Variants in GPC6 observed in about 807,000 individuals in gnomAD.
The protein encoded by GPC6 is glypican-6.
Under a neutral mutation model 55.2 loss-of-function variants are expected in GPC6, and 14 were observed. That is an observed-to-expected ratio of 0.25 (90% CI 0.17 to 0.40). The LOEUF (loss-of-function observed/expected upper bound fraction) is 0.40. Among genes scored for constraint, GPC6 ranks in the 10% least tolerant of loss-of-function variants. The probability of loss-of-function intolerance (pLI) is 1.00; values close to 1 mark genes in which losing one functional copy is unlikely to be tolerated. For synonymous variants in GPC6, 278 were observed against 259.6 expected (o/e 1.07, Z -0.68); for missense variants, 641 against 708.5 (o/e 0.90, Z 1.08).
chr13:94,364,733 G>A (rs73553807), intron 6 of GPC6, among the ~76,000 whole-genome samples: 2 of 152,020 alleles, frequency 1.3e-5, no homozygotes, highest in African/African-American at 2.4e-5. Flanking sequence ...TTGTAGATAC[G>A]AATCAAGTGT....
intron 4 of GPC6, among the ~76,000 whole-genome samples, chr13:94,153,660 AAG>A (rs1331357458): frequency 6.6e-6 from 1 of 152,168 alleles, no homozygotes; most frequent in African/African-American, 2.4e-5. Flanking sequence ...GAGTCACAAA[AAG>A]GTATAGTATG....
At chr13:93,578,130 A>G (rs1241951938) in intron 2 of GPC6, among the ~76,000 whole-genome samples, 2 of 151,882 alleles carry the variant, frequency 1.3e-5, no homozygotes, top group Admixed American at 1.3e-4. Flanking sequence ...TTTTGCTTCT[A>G]TGTTCATCAA....
chr13:93,519,513 G>T (rs1881327714), intron 1 of GPC6, among the ~76,000 whole-genome samples: 1 of 152,002 alleles, frequency 6.6e-6, no homozygotes, highest in Non-Finnish European at 1.5e-5. Context: ...TGTCTGAGTT[G>T]ATGAAGGGAA....
chr13:94,385,543 G>A (rs1399006911), intron 7 of GPC6, among the ~76,000 whole-genome samples: 1 of 152,140 alleles, frequency 6.6e-6, no homozygotes, highest in Non-Finnish European at 1.5e-5. Flanking sequence ...TTATGCATAA[G>A]TATATTATTA....
chr13:93,673,893 C>G (rs578141291), intron 2 of GPC6, among the ~76,000 whole-genome samples: 1 of 152,128 alleles, frequency 6.6e-6, no homozygotes, highest in Non-Finnish European at 1.5e-5. Flanking sequence ...CTGGGCAATA[C>G]TGGAGAACAC....
chr13:93,852,933 AT>A (rs760625026), intron 3 of GPC6, among the ~76,000 whole-genome samples: 12 of 151,662 alleles, frequency 7.9e-5, no homozygotes, highest in Non-Finnish European at 1.6e-4. Flanking sequence ...TCATCTTAGT[AT>A]TTAATCAGTA....
intron 2 of GPC6, among the ~76,000 whole-genome samples, chr13:93,759,097 T>C (rs887530254): frequency 1.3e-5 from 2 of 152,178 alleles, no homozygotes; most frequent in African/African-American, 4.8e-5. Flanking sequence ...GGATCTCCTC[T>C]GGCAGATAAG....
chr13:93,219,843 A>G, the GPC6 span, among the ~76,000 whole-genome samples: 1 of 142,660 alleles, frequency 7.0e-6, no homozygotes, highest in Non-Finnish European at 1.5e-5. Context: ...CAATTTTGTA[A>G]TTTGTTTATC....
chr13:93,935,500 A>C (rs192898710), intron 3 of GPC6, among the ~76,000 whole-genome samples: 1 of 152,146 alleles, frequency 6.6e-6, no homozygotes, highest in African/African-American at 2.4e-5. Context: ...TTAATCAATC[A>C]TGATGGTCAC....
At chr13:93,752,791 G>C (rs1301636020) in intron 2 of GPC6, among the ~76,000 whole-genome samples, 1 of 152,130 alleles carries the variant, frequency 6.6e-6, no homozygotes, top group Non-Finnish European at 1.5e-5. Context: ...TCTTTTATTG[G>C]GAGACAATTA....
At position 94,175,955 on chromosome 13, in the gene GPC6, T is replaced by TAG. The variant is rs1555304120; in HGVS notation, c.878-110357_878-110356dup. On this transcript the variant is annotated intron_variant, in intron 4 of 8. Coordinates refer to ENST00000377047, the MANE Select transcript of GPC6 (RefSeq NM_005708.5). ...AATGAGCCATATATATATATATATATAGAGAGAGAGAGAGAGAGAGAGAGA... is the reference window on the plus strand; with the variant it reads ...AATGAGCCATATATATATATATATATAGAGAGAGAGAGAGAGAGAGAGAGAGA... 6.5e-4 allele frequency among the ~76,000 whole-genome samples: 51 copies of TAG among 78,536 alleles called. 1 individual carries two copies. The highest frequency in any genetic ancestry group is 6.4e-3 in the Middle Eastern group (1 of 156). 51.5% of individuals were successfully genotyped at this position (78,536 alleles called of 152,430 possible).
chr13:93,320,022 A>G (rs1387769707), intron 1 of GPC6, among the ~76,000 whole-genome samples: 2 of 152,168 alleles, frequency 1.3e-5, no homozygotes, highest in Non-Finnish European at 2.9e-5. Flanking sequence ...ATCAACTGAT[A>G]TCTTTGATCA....
At chr13:93,641,965 A>T (rs897991137) in intron 2 of GPC6, among the ~76,000 whole-genome samples, 3 of 152,010 alleles carry the variant, frequency 2.0e-5, no homozygotes, top group African/African-American at 7.2e-5. Flanking sequence ...ATATATAATT[A>T]TACATAACTG....
intron 4 of GPC6, among the ~76,000 whole-genome samples, chr13:94,255,850 G>A (rs143820271): frequency 3.2e-3 from 489 of 152,198 alleles, no homozygotes; most frequent in Non-Finnish European, 5.7e-3. Flanking sequence ...AACTTGTGAG[G>A]CCATTTGGTC....
intron 3 of GPC6, among the ~76,000 whole-genome samples, chr13:93,930,424 A>G (rs984230991): frequency 5.9e-5 from 9 of 151,856 alleles, no homozygotes; most frequent in Non-Finnish European, 1.2e-4. Context: ...GGCACCCGCC[A>G]CCACACCTGG....
rs141120812 is a variant in GPC6, at chr13:93,570,097, C to A, written c.319+24676C>A. On this transcript the variant is annotated intron_variant, in intron 2 of 8. Coordinates refer to ENST00000377047, the MANE Select transcript of GPC6 (RefSeq NM_005708.5). ...ATAACTGCCAGAGTTTTAGAGAAAG[C>A]TTGCCTTTCATGCATATTTAAGTTT... Among the ~76,000 whole-genome samples the A allele has an allele frequency of 7.6e-3, 1,152 of 152,228 alleles. 7 individuals are homozygous for A. Among genetic ancestry groups the A allele is most frequent in the Middle Eastern group, 0.034 (10 of 292 alleles).
intron 2 of GPC6, among the ~76,000 whole-genome samples, chr13:93,793,507 A>G: frequency 6.6e-6 from 1 of 152,186 alleles, no homozygotes; most frequent in East Asian, 1.9e-4. Context: ...TTCCATGCTA[A>G]GATTATGAAT....
At chr13:93,795,505 C>T (rs1886167643) in intron 2 of GPC6, among the ~76,000 whole-genome samples, 1 of 152,124 alleles carries the variant, frequency 6.6e-6, no homozygotes, top group Non-Finnish European at 1.5e-5. Context: ...TATGTAGAAA[C>T]TCATCTTCTA....
At chr13:93,548,563 C>A (rs1401122075) in intron 2 of GPC6, among the ~76,000 whole-genome samples, 1 of 152,042 alleles carries the variant, frequency 6.6e-6, no homozygotes, top group Non-Finnish European at 1.5e-5. Flanking sequence ...AACTTAAAAC[C>A]ATATTCTATT....
Sources: allele counts gnomAD v4.1 joint callset (sites outside exome capture counted in the v4.1 genomes callset), GRCh38; gene constraint gnomAD v4.1.1; transcripts MANE v1.5; gene names NCBI Gene and HGNC (gene_info 2026-07-23, HGNC 2026-07-21).